CNOT1: variants seen among roughly 807,000 people sequenced by gnomAD.
CNOT1 encodes CCR4-associated factor 1.
Under a neutral mutation model 273.8 loss-of-function variants are expected in CNOT1, and 15 were observed. That is an observed-to-expected ratio of 0.05 (90% CI 0.04 to 0.08). The LOEUF (loss-of-function observed/expected upper bound fraction) is 0.08, where lower values mean the gene tolerates loss of function less well. Among genes scored for constraint, CNOT1 ranks in the 10% least tolerant of loss-of-function variants. CNOT1 has a pLI of 1.00. For synonymous variants in CNOT1, 1,022 were observed against 1,005.5 expected (o/e 1.02, Z -0.31); for missense variants, 1,644 against 2,912.2 (o/e 0.56, Z 10.02).
chr16:58,540,906 T>G (rs2040072994), intron 34 of CNOT1, among the ~76,000 whole-genome samples: 1 of 152,214 alleles, frequency 6.6e-6, no homozygotes, highest in African/African-American at 2.4e-5. Flanking sequence ...GAAAATTCTT[T>G]TATTTAAAAA....
At chr16:58,597,844 G>T in intron 2 of CNOT1, 1 of 392,416 alleles carries the variant, frequency 2.5e-6, no homozygotes, top group South Asian at 2.2e-5. Flanking sequence ...CCAGGACCAT[G>T]ACCAGCAAGG....
In CNOT1 at chr16:58,551,125, T is replaced by G. The variant is rs756165478; in HGVS notation, c.3342+7A>C. ...AAGGCATTTATAAACTATGACAGCA[T>G]GCTCACCTTTTGTGTCATATTTGAC... is the stretch of plus-strand genomic sequence containing the variant. On this transcript the variant is annotated splice_region_variant and intron_variant, in intron 24 of 48. Coordinates refer to ENST00000317147, the MANE Select transcript of CNOT1 (RefSeq NM_016284.5). 1 of 1,607,678 alleles carries G rather than the reference T, an allele frequency of 6.2e-7. No individual in the cohort carries two copies. Among genetic ancestry groups the G allele is most frequent in the East Asian group, 2.2e-5 (1 of 44,768 alleles).
At chr16:58,548,525 C>T (rs769020244) in intron 25 of CNOT1, 1 of 518,960 alleles carries the variant, frequency 1.9e-6, no homozygotes, top group Admixed American at 1.9e-5. Flanking sequence ...TATACAGCAA[C>T]AGCAGAATGG....
In CNOT1 at chr16:58,532,345, C is replaced by G; in HGVS notation, c.5946G>C (p.Gln1982His). The G allele has an allele frequency of 6.2e-7, 1 of 1,614,180 alleles. No individual in the cohort carries two copies. Among genetic ancestry groups the G allele is most frequent in the Non-Finnish European group, 8.5e-7 (1 of 1,180,032 alleles). ...GGTAGGGAAGTTGCTGAAATTCACT[C>G]TGACGAACATCATGATCCTGAAGGA... ...GVLLQDHDVR[Q>H]SEFQQLPYHR... The change falls in exon 41 of 49, where the codon CAG becomes CAC. Residue 1982 changes from glutamine to histidine, a missense_variant. Around this residue, in one of 13 missense-constraint regions of CNOT1, gnomAD observed 133 missense variants for 328.2 expected, o/e 0.41. Transcript: ENST00000317147.
At chr16:58,621,220 C>A (rs1309873126) in intron 1 of CNOT1, among the ~76,000 whole-genome samples, 1 of 152,040 alleles carries the variant, frequency 6.6e-6, no homozygotes, top group African/African-American at 2.4e-5. Context: ...CCTCTGCCTC[C>A]CAAAAGTGTT....
intron 21 of CNOT1, 147 bp from the exon 22 acceptor site, chr16:58,554,007 C>A: frequency 8.6e-7 from 1 of 1,160,594 alleles, no homozygotes; most frequent in Non-Finnish European, 1.1e-6. Flanking sequence ...GTGAAGAAAA[C>A]AAAAATAGAA....
rs751949269 is a variant in CNOT1, at chr16:58,530,307, T to C, written c.6218A>G (p.Lys2073Arg). ...ATTTCTAAGGAAAGGCGCTAAATATTTGAATAAATCAATCAGTAGCTGTGC... is the reference window on the plus strand; with the variant it reads ...ATTTCTAAGGAAAGGCGCTAAATATCTGAATAAATCAATCAGTAGCTGTGC... ...MYAQLLIDLF[K>R]YLAPFLRNVE... The change falls in exon 43 of 49, where the codon AAA (lysine) becomes AGA (arginine). Residue 2073 changes from lysine (K) to arginine (R), a missense_variant. Physicochemically the swap from Lys to Arg is conservative, Grantham distance 26. Transcript: ENST00000317147. 22 of 1,612,280 alleles carry C rather than the reference T, an allele frequency of 1.4e-5. No homozygotes were observed. Among genetic ancestry groups the C allele is most frequent in the Non-Finnish European group, 1.8e-5 (21 of 1,178,790 alleles).
intron 29 of CNOT1, among the ~76,000 whole-genome samples, 199 bp from the exon 30 acceptor site, chr16:58,545,690 T>C (rs1238585890): frequency 6.6e-6 from 1 of 152,196 alleles, no homozygotes; most frequent in East Asian, 1.9e-4. Flanking sequence ...CGAAGTATGT[T>C]AAACTATGTC....
At chr16:58,528,225 AAATTT>A in intron 44 of CNOT1, 1 of 551,554 alleles carries the variant, frequency 1.8e-6, no homozygotes, top group Non-Finnish European at 3.3e-6. Context: ...AAATAGAGCT[AAATTT>A]AATATCAAAA....
chr16:58,583,326 T>C, intron 8 of CNOT1, 144 bp from the exon 9 acceptor site: 2 of 1,443,206 alleles, frequency 1.4e-6, no homozygotes, highest in African/African-American at 1.4e-5. Context: ...TCTTGTTACA[T>C]TTATACAGCT....
chr16:58,582,888 C>A lies in CNOT1; in HGVS notation c.949G>T (p.Gly317Cys). The change falls in exon 10 of 49, where the codon GGC becomes TGC. Residue 317 changes from glycine to cysteine, a missense_variant. This residue lies in a region of CNOT1 where 706 missense variants were observed against 1,021.2 expected (regional missense o/e 0.69). Coordinates refer to ENST00000317147, the MANE Select transcript of CNOT1 (RefSeq NM_016284.5). ...GIPLQSISAP[G>C]SGIWSDGKDK... is the part of the protein sequence containing the mutation. ...TTCCCATCACTCCAGATCCCACTGC[C>A]CGGAGCAGAAATACTCTGTAGAAGT... 6.2e-7 allele frequency: 1 copy of A among 1,612,116 alleles called. No homozygotes were observed. The highest frequency in any genetic ancestry group is 1.3e-5 in the African/African-American group (1 of 74,964).
At position 58,587,806 on chromosome 16, in the gene CNOT1, T is replaced by C. The variant is rs1310981672; in HGVS notation, c.283A>G (p.Ile95Val). The change falls in exon 4 of 49, where the codon ATT (isoleucine) becomes GTT (valine). Residue 95 changes from isoleucine to valine, a missense_variant. This residue lies in a region of CNOT1 where 706 missense variants were observed against 1,021.2 expected (regional missense o/e 0.69). Transcript: ENST00000317147. ...TTCTGATAGTGCAATGGATTATCAA[T>C]GGCATAGGACAGCGTCGAGATAAAA... ...PNFISTLSYA[I>V]DNPLHYQKSL... The C allele has an allele frequency of 2.5e-6, 4 of 1,613,808 alleles. No individual in the cohort carries two copies. The highest frequency in any genetic ancestry group is 3.4e-6 in the Non-Finnish European group (4 of 1,180,012).
chr16:58,615,880 A>G (rs2043056375), intron 1 of CNOT1, among the ~76,000 whole-genome samples: 1 of 121,522 alleles, frequency 8.2e-6, no homozygotes, highest in Admixed American at 8.2e-5. Context: ...CCAGGAGTTC[A>G]AGACCAGCCT....
At chr16:58,580,596 G>A in intron 12 of CNOT1, 37 bp downstream of exon 12, 1 of 1,590,416 alleles carries the variant, frequency 6.3e-7, no homozygotes, top group Non-Finnish European at 8.5e-7. Context: ...AAAATAAGAA[G>A]TAATCTTTTA....
At chr16:58,549,991 C>G in intron 24 of CNOT1, 93 bp from the exon 25 acceptor site, 1 of 1,534,554 alleles carries the variant, frequency 6.5e-7, no homozygotes, top group Non-Finnish European at 8.7e-7. Flanking sequence ...CACATGGCTC[C>G]TTGCAAAACT....
At chr16:58,600,448 G>C (rs2042421237) in intron 1 of CNOT1, among the ~76,000 whole-genome samples, 1 of 152,204 alleles carries the variant, frequency 6.6e-6, no homozygotes, top group South Asian at 2.1e-4. Flanking sequence ...GAAGCAGCAA[G>C]TGGAAACTTA....
chr16:58,585,995 G>T (rs1284855804), intron 7 of CNOT1, among the ~76,000 whole-genome samples: 1 of 151,494 alleles, frequency 6.6e-6, no homozygotes, highest in African/African-American at 2.4e-5. Flanking sequence ...GTTGTGAAAA[G>T]AATTCTTATC....
intron 1 of CNOT1, among the ~76,000 whole-genome samples, chr16:58,604,035 T>C (rs765166168): frequency 1.4e-4 from 21 of 152,206 alleles, no homozygotes; most frequent in Admixed American, 5.2e-4. Flanking sequence ...CTTAGGATTT[T>C]GTAACCTGTA....
In CNOT1 at chr16:58,535,822, C is replaced by CT. The variant is rs552989359; in HGVS notation, c.5646+1166dup. Among the ~76,000 whole-genome samples, 33 of 152,020 alleles carry CT rather than the reference C, an allele frequency of 2.2e-4. No individual in the cohort carries two copies. The South Asian group carries it at 6.4e-3, about 30-fold the overall frequency. On this transcript the variant is annotated intron_variant, in intron 39 of 48. Coordinates refer to ENST00000317147, the MANE Select transcript of CNOT1 (RefSeq NM_016284.5). The stretch of plus-strand genomic sequence containing the variant: ...AATCTCGGCTCACTGTAAGCTTCAT[C>CT]TCCTGGGTTCACGCCATTCTTCTGC...
Sources: gnomAD v4.1 joint callset for allele counts (sites outside exome capture counted in the v4.1 genomes callset) on GRCh38, gnomAD v4.1.1 for gene constraint, gnomAD v4.1.1 regional missense constraint, MANE v1.5 for transcripts, NCBI Gene and HGNC (gene_info 2026-07-23, HGNC 2026-07-21) for gene names.